The following IL1R1 variants were observed in gnomAD, a reference collection of about 807,000 sequenced individuals.
The protein encoded by IL1R1 is interleukin 1 receptor type 1.
In IL1R1, 22 loss-of-function variants were observed where a neutral mutation model predicts 50.2. The observed-to-expected ratio is 0.44, with a 90% CI of 0.31 to 0.63. The LOEUF is 0.63. Ranked by LOEUF, IL1R1 falls within the 20% of genes least tolerant of loss-of-function variation. The pLI is 0.07. For missense variants in IL1R1, 509 were observed against 676.2 expected, an observed-to-expected ratio of 0.75 and a Z score of 2.74; for synonymous variants, 251 against 236.7, an observed-to-expected ratio of 1.06 and a Z score of -0.55.
At chr2:102,146,612 A>G (rs1211749196) in intron 1 of IL1R1, among the ~76,000 whole-genome samples, 9 of 152,204 alleles carry the variant, frequency 5.9e-5, no homozygotes, top group Non-Finnish European at 1.3e-4. Flanking sequence ...GCCAAAGGCC[A>G]TTCTTCTCTC....
intron 1 of IL1R1, among the ~76,000 whole-genome samples, chr2:102,147,784 A>G (rs1413924230): frequency 1.3e-5 from 2 of 152,086 alleles, no homozygotes; most frequent in Non-Finnish European, 2.9e-5. Context: ...GAAACCACCA[A>G]TCTTGTGGCT....
upstream of IL1R1, among the ~76,000 whole-genome samples, chr2:102,103,624 C>T (rs1024619301): frequency 1.6e-4 from 24 of 152,002 alleles, no homozygotes; most frequent in African/African-American, 5.8e-4. Flanking sequence ...TTTTGAGTAG[C>T]GTTGTGATAG....
At chr2:102,174,544 TG>T in intron 9 of IL1R1, 42 bp from the exon 10 acceptor site, 2 of 1,457,258 alleles carry the variant, frequency 1.4e-6, no homozygotes, top group African/African-American at 2.9e-5. Context: ...TAATTCTTTT[TG>T]GTTCTAATAT....
intron 1 of IL1R1, among the ~76,000 whole-genome samples, chr2:102,097,944 C>A (rs2104329288): frequency 6.6e-6 from 1 of 152,018 alleles, no homozygotes; most frequent in African/African-American, 2.4e-5. Flanking sequence ...ATACCATTGA[C>A]ACCAAAACTA....
Position 102,168,678 on chromosome 2 carries a change from G to A in IL1R1, c.721+15G>A. 6.3e-7 allele frequency: 1 copy of A among 1,592,154 alleles called. No individual in the cohort carries two copies. Among genetic ancestry groups the A allele is most frequent in the Non-Finnish European group, 8.6e-7 (1 of 1,161,060 alleles). On this transcript the variant is annotated intron_variant, in intron 7 of 11. Coordinates refer to ENST00000410023, the MANE Select transcript of IL1R1 (RefSeq NM_000877.4). ...AGTAGACTTGGGTAAGTGGGCTTCA[G>A]TGAGGGTATGCTGGAATCGGTTTTT...
At chr2:102,134,489 C>T (rs1246268367) in intron 1 of IL1R1, among the ~76,000 whole-genome samples, 1 of 152,010 alleles carries the variant, frequency 6.6e-6, no homozygotes, top group Non-Finnish European at 1.5e-5. Flanking sequence ...AGTGATTCTT[C>T]TGCCTCAGCC....
chr2:102,107,689 T>C (rs1275154101), intron 1 of IL1R1, among the ~76,000 whole-genome samples: 1 of 152,172 alleles, frequency 6.6e-6, no homozygotes, highest in Non-Finnish European at 1.5e-5. Flanking sequence ...CAAAGGTATA[T>C]TTTGTTGTCT....
At position 102,176,349 on chromosome 2, in the gene IL1R1, T is replaced by C. The variant is rs199884296; in HGVS notation, c.1304-4T>C. 28 of 1,611,504 alleles carry C rather than the reference T, an allele frequency of 1.7e-5. 2 individuals carry two copies. In the African/African-American group the frequency reaches 2.0e-4, roughly 12 times the overall value. On this transcript the variant is annotated splice_region_variant and splice_polypyrimidine_tract_variant and intron_variant, in intron 11 of 11. Coordinates refer to ENST00000410023, the MANE Select transcript of IL1R1 (RefSeq NM_000877.4). ...CTTACTATATTGTGCTTCCTGTTTT[T>C]CAGACATTGTTGAGGTCATTAATGA...
In IL1R1 at chr2:102,105,500, G is replaced by A. The variant is rs572055447; in HGVS notation, c.-84+628G>A. Among the ~76,000 whole-genome samples, 8 of 152,250 alleles carry A rather than the reference G, an allele frequency of 5.3e-5. No individual in the cohort carries two copies. In the East Asian group the frequency reaches 1.4e-3, roughly 26 times the overall value. On this transcript the variant is annotated intron_variant, in intron 1 of 10. Coordinates refer to the IL1R1 transcript ENST00000409329. ...CTGCCTCAGCCTCCCGAGTAGCTGG[G>A]ACTATAGGCGCCTGCCACCATGCCC...
chr2:102,169,921 T>C (rs1226550099), intron 7 of IL1R1, among the ~76,000 whole-genome samples: 1 of 152,220 alleles, frequency 6.6e-6, no homozygotes, highest in Non-Finnish European at 1.5e-5. Flanking sequence ...GCTGATATAC[T>C]GTGGCCCTTT....
intron 7 of IL1R1, among the ~76,000 whole-genome samples, chr2:102,170,350 C>G (rs1410767420): frequency 6.6e-6 from 1 of 152,108 alleles, no homozygotes; most frequent in Non-Finnish European, 1.5e-5. Context: ...AAGCCAAGAG[C>G]AAGACAAAGA....
At chr2:102,120,973 C>G (rs1681373343) in intron 1 of IL1R1, among the ~76,000 whole-genome samples, 1 of 152,200 alleles carries the variant, frequency 6.6e-6, no homozygotes, top group African/African-American at 2.4e-5. Flanking sequence ...CACTCTAAAT[C>G]TCAGCTGGTC....
chr2:102,150,732 G>A (rs12618571), intron 1 of IL1R1, among the ~76,000 whole-genome samples: 22,725 of 152,152 alleles, frequency 0.15, 1,859 homozygotes, highest in African/African-American at 0.21. Context: ...TAGGCCTTGG[G>A]TCACCCTAGG....
chr2:102,074,254 C>G (rs1038860109), intron 1 of IL1R1, among the ~76,000 whole-genome samples: 1 of 152,182 alleles, frequency 6.6e-6, no homozygotes, highest in African/African-American at 2.4e-5. Context: ...GTGGGCAGTT[C>G]TGCTCCACAT....
At chr2:102,133,634 T>C (rs1022308273) in intron 1 of IL1R1, among the ~76,000 whole-genome samples, 2 of 152,268 alleles carry the variant, frequency 1.3e-5, no homozygotes, top group Non-Finnish European at 2.9e-5. Context: ...TAATTCACTA[T>C]ATTAGTGAAA....
intron 1 of IL1R1, among the ~76,000 whole-genome samples, chr2:102,087,128 A>G (rs970054888): frequency 1.2e-4 from 18 of 152,200 alleles, no homozygotes; most frequent in Admixed American, 1.2e-3. Context: ...TGTCTAAAAA[A>G]CAATGTACAT....
intron 3 of IL1R1, among the ~76,000 whole-genome samples, chr2:102,163,235 C>T (rs750555682): frequency 6.6e-6 from 1 of 152,118 alleles, no homozygotes; most frequent in Non-Finnish European, 1.5e-5. Context: ...CTTTATGTTT[C>T]TTTTGCTTGG....
chr2:102,154,808 A>C (rs1346613402), intron 2 of IL1R1, among the ~76,000 whole-genome samples: 6 of 152,224 alleles, frequency 3.9e-5, no homozygotes, highest in African/African-American at 1.4e-4. Context: ...CCATTTCCTC[A>C]GCAAACCTCT....
intron 1 of IL1R1, among the ~76,000 whole-genome samples, chr2:102,094,272 T>C (rs560851055): frequency 4.0e-4 from 61 of 152,348 alleles, no homozygotes; most frequent in African/African-American, 1.4e-3. Context: ...TTTATTATTT[T>C]TCTACAGATG....
Sources: allele counts gnomAD v4.1 joint callset (sites outside exome capture counted in the v4.1 genomes callset), GRCh38; gene constraint gnomAD v4.1.1; transcripts MANE v1.5; gene names NCBI Gene and HGNC (gene_info 2026-07-23, HGNC 2026-07-21).